The following PRKG2 variants were observed in gnomAD, a reference collection of about 807,000 sequenced individuals.
PRKG2 encodes cGMP-dependent protein kinase 2.
PRKG2 carries 33 observed loss-of-function variants against 97.2 expected under a neutral mutation model. The observed-to-expected ratio is 0.34, with a 90% CI of 0.26 to 0.45. The LOEUF (loss-of-function observed/expected upper bound fraction) is 0.45, where lower values mean the gene tolerates loss of function less well. Among genes scored for constraint, PRKG2 ranks in the 20% least tolerant of loss-of-function variants. The pLI is 1.00. For missense variants in PRKG2, 638 were observed against 900.0 expected, an observed-to-expected ratio of 0.71 and a Z score of 3.73; for synonymous variants, 330 against 321.8, an observed-to-expected ratio of 1.03 and a Z score of -0.27.
At chr4:81,152,131 A>C in intron 7 of PRKG2, 77 bp from the exon 8 acceptor site, 1 of 1,037,374 alleles carries the variant, frequency 9.6e-7, no homozygotes, top group South Asian at 1.4e-5. Context: ...ATTCAACCAA[A>C]CCCTCTAGAC....
Position 81,204,976 on chromosome 4 carries a change from A to AT in PRKG2, c.71dup (p.Asp24GlufsTer20), listed in dbSNP as rs1215573874. The stretch of plus-strand genomic sequence containing the variant: ...GCTCTGTCACCTTGTTCCGCAGAGC[A>AT]TCAGTGGTGAGGTTCCCAGAGTGTC... On this transcript the variant is annotated frameshift_variant, in exon 2 of 19. Coordinates refer to ENST00000264399, the MANE Select transcript of PRKG2 (RefSeq NM_006259.3). LOFTEE classifies it high-confidence loss of function. The AT allele has an allele frequency of 2.4e-5, 38 of 1,614,000 alleles. No individual in the cohort carries two copies. The highest frequency in any genetic ancestry group is 2.8e-5 in the Non-Finnish European group (33 of 1,180,014).
At chr4:81,152,157 C>G (rs1748469007) in intron 7 of PRKG2, 103 bp from the exon 8 acceptor site, 1 of 839,350 alleles carries the variant, frequency 1.2e-6, no homozygotes, top group Non-Finnish European at 1.9e-6. Flanking sequence ...TAAACTTGGA[C>G]AAGGAAAAAG....
At chr4:81,100,777 G>C (rs905406199) in intron 17 of PRKG2, among the ~76,000 whole-genome samples, 1 of 152,026 alleles carries the variant, frequency 6.6e-6, no homozygotes, top group African/African-American at 2.4e-5. Context: ...GAGTGAACAG[G>C]CAACCTACAG....
At chr4:81,205,204 C>CA in intron 1 of PRKG2, 144 bp from the exon 2 acceptor site, 9 of 547,608 alleles carry the variant, frequency 1.6e-5, no homozygotes, top group South Asian at 3.4e-5. Flanking sequence ...CCGAAGTTTC[C>CA]AGAAAAAAAA....
intron 12 of PRKG2, 106 bp downstream of exon 12, chr4:81,140,427 A>C: frequency 1.0e-6 from 1 of 1,001,032 alleles, no homozygotes; most frequent in Non-Finnish European, 1.4e-6. Flanking sequence ...ATATATGCCT[A>C]CTATGTACCC....
At chr4:81,217,029 T>A (rs1186794888), upstream of PRKG2, among the ~76,000 whole-genome samples, 1 of 88,170 alleles carries the variant, frequency 1.1e-5, no homozygotes, top group Non-Finnish European at 2.2e-5. Context: ...TGTATATATT[T>A]TGTATATATA....
intron 18 of PRKG2, among the ~76,000 whole-genome samples, chr4:81,090,370 TAA>T (rs928775126): frequency 8.6e-5 from 13 of 151,310 alleles, no homozygotes; most frequent in African/African-American, 2.9e-4. Context: ...AAAAAAAAAA[TAA>T]GTGACAGAAA....
At chr4:81,150,736 C>T (rs1463625545) in intron 8 of PRKG2, among the ~76,000 whole-genome samples, 4 of 152,140 alleles carry the variant, frequency 2.6e-5, no homozygotes, top group East Asian at 1.9e-4. Flanking sequence ...TTCAAGCTTC[C>T]GTTGTTTTGC....
chr4:81,168,976 C>T (rs1750227817), intron 5 of PRKG2, among the ~76,000 whole-genome samples: 1 of 151,760 alleles, frequency 6.6e-6, no homozygotes, highest in African/African-American at 2.4e-5. Flanking sequence ...TGCAAAACTC[C>T]CATTAAAGAT....
chr4:81,203,206 A>C (rs1753426185), intron 2 of PRKG2, among the ~76,000 whole-genome samples: 2 of 152,098 alleles, frequency 1.3e-5, no homozygotes, highest in African/African-American at 4.8e-5. Flanking sequence ...TACCATTAAA[A>C]ATGATTATTA....
intron 15 of PRKG2, among the ~76,000 whole-genome samples, chr4:81,108,525 C>G (rs1226199280): frequency 6.9e-6 from 1 of 145,538 alleles, no homozygotes; most frequent in Non-Finnish European, 1.5e-5. Context: ...CTCTGGAGTT[C>G]AGGGCATTTA....
At chr4:81,184,117 A>T (rs1751670005) in intron 2 of PRKG2, among the ~76,000 whole-genome samples, 2 of 152,190 alleles carry the variant, frequency 1.3e-5, no homozygotes, top group Non-Finnish European at 2.9e-5. Context: ...AGAGCAGCGT[A>T]TCTCCCAGCA....
At chr4:81,109,846 G>A (rs1012050225) in intron 15 of PRKG2, among the ~76,000 whole-genome samples, 1 of 152,062 alleles carries the variant, frequency 6.6e-6, no homozygotes, top group African/African-American at 2.4e-5. Flanking sequence ...TTGAGATCCT[G>A]GATTCACTAA....
intron 9 of PRKG2, among the ~76,000 whole-genome samples, chr4:81,144,852 G>T (rs1294614178): frequency 2.1e-5 from 3 of 145,454 alleles, no homozygotes; most frequent in African/African-American, 5.2e-5. Flanking sequence ...GTGAGAACAT[G>T]CAGCGTTTGG....
intron 14 of PRKG2, 122 bp downstream of exon 14, chr4:81,135,033 G>T: frequency 1.1e-6 from 1 of 894,852 alleles, no homozygotes; most frequent in Non-Finnish European, 1.6e-6. Flanking sequence ...AATGTCAAAG[G>T]CCATACTGCC....
chr4:81,090,637 G>A lies in PRKG2; in HGVS notation c.2194-834C>T, dbSNP rs1481485473. Among the ~76,000 whole-genome samples, 3 of 152,224 alleles carry A rather than the reference G, an allele frequency of 2.0e-5. No individual in the cohort carries two copies. In the South Asian group the frequency reaches 6.2e-4, roughly 32 times the overall value. ...CTGCTTTCAAACAAATGTAAGTAAT[G>A]CCTAACTGAATGATCAGCTGAAAAA... On this transcript the variant is annotated intron_variant, in intron 18 of 18. Coordinates refer to ENST00000264399, the MANE Select transcript of PRKG2 (RefSeq NM_006259.3).
At chr4:81,105,709 C>T in intron 16 of PRKG2, 104 bp downstream of exon 16, 3 of 1,476,070 alleles carry the variant, frequency 2.0e-6, no homozygotes, top group South Asian at 1.4e-5. Flanking sequence ...TATATAAAAA[C>T]AGCACAAAAA....
rs1370520434 is a variant in PRKG2, at chr4:81,171,814, A to G, written c.629-10T>C. ...ACCTCTAGTCGACCCTCTATCAAGC[A>G]GAATTTTAAAAAACACACACACAAA... On this transcript the variant is annotated splice_polypyrimidine_tract_variant and intron_variant, in intron 3 of 18. Coordinates refer to ENST00000264399, the MANE Select transcript of PRKG2 (RefSeq NM_006259.3). 6.4e-7 allele frequency: 1 copy of G among 1,564,742 alleles called. No homozygotes were observed. The highest frequency in any genetic ancestry group is 8.7e-7 in the Non-Finnish European group (1 of 1,151,732).
At chr4:81,192,740 T>G (rs1219264364) in intron 2 of PRKG2, among the ~76,000 whole-genome samples, 1 of 152,080 alleles carries the variant, frequency 6.6e-6, no homozygotes, top group African/African-American at 2.4e-5. Context: ...ATGAGAAAAG[T>G]TATGAAAACC....
Sources: gnomAD v4.1 joint callset for allele counts (sites outside exome capture counted in the v4.1 genomes callset) on GRCh38, gnomAD v4.1.1 for gene constraint, MANE v1.5 for transcripts, NCBI Gene and HGNC (gene_info 2026-07-23, HGNC 2026-07-21) for gene names.